Variants in PLEKHA5 observed in about 807,000 individuals in gnomAD.
The protein encoded by PLEKHA5 is pleckstrin homology domain-containing family A member 5.
Under a neutral mutation model 181.9 loss-of-function variants are expected in PLEKHA5, and 55 were observed. The ratio of observed to expected loss-of-function variants is 0.30; its 90% CI spans 0.24 to 0.38. The LOEUF is 0.38. PLEKHA5 is among the 10% of genes least tolerant of loss of function. The pLI is 1.00. For missense variants in PLEKHA5, 1,432 were observed against 1,549.5 expected, an observed-to-expected ratio of 0.92 and a Z score of 1.27; for synonymous variants, 535 against 529.4, an observed-to-expected ratio of 1.01 and a Z score of -0.15.
intron 3 of PLEKHA5, among the ~76,000 whole-genome samples, chr12:19,184,043 A>G (rs1275411253): frequency 3.9e-5 from 6 of 152,150 alleles, no homozygotes; most frequent in African/African-American, 1.2e-4. Flanking sequence ...TAAGGCCTCT[A>G]CAGAAACCAC....
chr12:19,270,292 G>C, intron 10 of PLEKHA5, 87 bp downstream of exon 10: 2 of 658,578 alleles, frequency 3.0e-6, no homozygotes, highest in Non-Finnish European at 4.6e-6. Flanking sequence ...TCTTAGAAGA[G>C]AGTTTATTTT....
At chr12:19,350,106 C>T (rs757420375) in intron 25 of PLEKHA5, among the ~76,000 whole-genome samples, 3 of 151,920 alleles carry the variant, frequency 2.0e-5, no homozygotes, top group Admixed American at 6.6e-5. Flanking sequence ...AGTGAGACTC[C>T]GTCACACACA....
At chr12:19,181,345 T>A (rs887263583) in intron 3 of PLEKHA5, among the ~76,000 whole-genome samples, 5 of 152,208 alleles carry the variant, frequency 3.3e-5, no homozygotes, top group African/African-American at 1.2e-4. Context: ...TTGAAATCTC[T>A]TGTTGAATAA....
At chr12:19,353,706 G>A (rs2094740753) in intron 25 of PLEKHA5, among the ~76,000 whole-genome samples, 178 bp from the exon 26 acceptor site, 1 of 152,080 alleles carries the variant, frequency 6.6e-6, no homozygotes, top group African/African-American at 2.4e-5. Context: ...TCATCCGCCT[G>A]CCTTGGCCTC....
chr12:19,229,932 C>G (rs754201491), intron 3 of PLEKHA5, among the ~76,000 whole-genome samples: 2 of 152,172 alleles, frequency 1.3e-5, no homozygotes, highest in Non-Finnish European at 2.9e-5. Context: ...GAGCTAGATA[C>G]AGGGTGCTGA....
chr12:19,227,436 C>A (rs1341578064), intron 3 of PLEKHA5, among the ~76,000 whole-genome samples: 1 of 152,086 alleles, frequency 6.6e-6, no homozygotes, highest in Non-Finnish European at 1.5e-5. Flanking sequence ...AGTTTAAACA[C>A]AGAGTAGTTT....
intron 3 of PLEKHA5, among the ~76,000 whole-genome samples, chr12:19,146,183 A>AAGGATAAATATC (rs1323819106): frequency 6.6e-6 from 1 of 152,176 alleles, no homozygotes; most frequent in Non-Finnish European, 1.5e-5. Flanking sequence ...ATTTATCCTT[A>AAGGATAAATATC]CTTATATCCT....
chr12:19,349,846 C>T (rs1233649021), intron 25 of PLEKHA5, among the ~76,000 whole-genome samples: 1 of 152,064 alleles, frequency 6.6e-6, no homozygotes, highest in Admixed American at 6.6e-5. Flanking sequence ...GGCACGGTGG[C>T]TCACTCCTGT....
intron 31 of PLEKHA5, among the ~76,000 whole-genome samples, chr12:19,374,238 CTTT>C (rs139465408): frequency 2.9e-5 from 4 of 137,118 alleles, no homozygotes. Context: ...ACGTTTGGTA[CTTT>C]TTTTTTTTTT....
intron 5 of PLEKHA5, 42 bp from the exon 6 acceptor site, chr12:19,257,391 G>T (rs779329980): frequency 1.1e-6 from 1 of 900,026 alleles, no homozygotes; most frequent in Admixed American, 2.1e-5. Context: ...AAATCTCTAG[G>T]CATTAATACC....
At chr12:19,262,745 G>A (rs918488380) in intron 7 of PLEKHA5, among the ~76,000 whole-genome samples, 3 of 152,164 alleles carry the variant, frequency 2.0e-5, no homozygotes, top group Non-Finnish European at 2.9e-5. Flanking sequence ...CAAGAGAGGG[G>A]AGGGCTGAAC....
chr12:19,270,859 T>C (rs2072508155), intron 10 of PLEKHA5, among the ~76,000 whole-genome samples: 1 of 152,154 alleles, frequency 6.6e-6, no homozygotes. Context: ...ATACATCTAG[T>C]CCTTTGTTTT....
At chr12:19,153,858 A>G (rs2041054207) in intron 3 of PLEKHA5, 1 of 152,226 alleles carries the variant, frequency 6.6e-6, no homozygotes, top group African/African-American at 2.4e-5. Context: ...TGGCTTTGAT[A>G]GCAAGGTTGG....
intron 20 of PLEKHA5, among the ~76,000 whole-genome samples, chr12:19,331,170 A>G (rs1248508168): frequency 6.6e-6 from 1 of 152,222 alleles, no homozygotes; most frequent in Non-Finnish European, 1.5e-5. Context: ...TAGTCTTACA[A>G]TATTTACTTG....
chr12:19,171,595 AT>A (rs2045903881), intron 3 of PLEKHA5, among the ~76,000 whole-genome samples: 1 of 152,096 alleles, frequency 6.6e-6, no homozygotes, highest in Non-Finnish European at 1.5e-5. Context: ...CTGACCTCAA[AT>A]AATCAGCCCA....
At chr12:19,156,183 A>G (rs542989541) in intron 3 of PLEKHA5, among the ~76,000 whole-genome samples, 1 of 146,002 alleles carries the variant, frequency 6.8e-6, no homozygotes, top group African/African-American at 2.5e-5. Context: ...GGTTAGGAGC[A>G]CTTCCTTGAT....
At chr12:19,300,649 AG>A (rs1371409209) in intron 15 of PLEKHA5, among the ~76,000 whole-genome samples, 4 of 152,190 alleles carry the variant, frequency 2.6e-5, no homozygotes, top group African/African-American at 4.8e-5. Context: ...GAAGGAAATG[AG>A]GTTGAGTATA....
In PLEKHA5 at chr12:19,130,608, C is replaced by T. The variant is rs1302311960; in HGVS notation, c.169+478C>T. ...CGGGATAACGTAACCACATCCTCCC[C>T]CTCCTCCCAGGAGCGCTGCCTCCTG... On this transcript the variant is annotated intron_variant, in intron 2 of 31. Coordinates refer to ENST00000429027, the MANE Select transcript of PLEKHA5 (RefSeq NM_001256470.2). This position sits in a 1 kb window ranked among gnomAD's most constrained non-coding sequence, Gnocchi z 4.5. The T allele has an allele frequency of 6.6e-6, 1 of 152,652 alleles. No individual in the cohort carries two copies. Among genetic ancestry groups the T allele is most frequent in the South Asian group, 2.1e-4 (1 of 4,834 alleles). The allele number at this position is 152,652 out of a possible 1,614,324, so 9.5% of individuals were successfully genotyped here. A position where few individuals can be genotyped will look rare whatever the true frequency, so the allele number is the denominator to read the frequency against.
chr12:19,347,412 A>G (rs1272722093), intron 24 of PLEKHA5, among the ~76,000 whole-genome samples: 1 of 151,588 alleles, frequency 6.6e-6, no homozygotes, highest in African/African-American at 2.4e-5. Flanking sequence ...ATTTCATAGC[A>G]TTTTTCATAT....
Sources: gnomAD v4.1 joint callset for allele counts (sites outside exome capture counted in the v4.1 genomes callset) on GRCh38, gnomAD v4.1.1 for gene constraint, Gnocchi (gnomAD v3.1) non-coding constraint, MANE v1.5 for transcripts, NCBI Gene and HGNC (gene_info 2026-07-23, HGNC 2026-07-21) for gene names.